Variants in ROBO1 observed in about 807,000 individuals in gnomAD.
ROBO1 encodes the protein roundabout homolog 1.
ROBO1 carries 149 observed loss-of-function variants against 195.9 expected under a neutral mutation model. The observed-to-expected ratio is 0.76, with a 90% CI of 0.67 to 0.87. The LOEUF (loss-of-function observed/expected upper bound fraction) is 0.87, where lower values mean the gene tolerates loss of function less well. Among genes scored for constraint, ROBO1 ranks in the 40% least tolerant of loss-of-function variants. The pLI, the probability that ROBO1 is intolerant of heterozygous loss-of-function variation, is 0.00. For synonymous variants in ROBO1, 816 were observed against 733.2 expected (o/e 1.11, Z -1.82); for missense variants, 1,933 against 2,068.3 (o/e 0.93, Z 1.27).
intron 2 of ROBO1, among the ~76,000 whole-genome samples, chr3:79,361,399 G>T (rs377419935): frequency 2.0e-5 from 3 of 151,864 alleles, no homozygotes; most frequent in African/African-American, 7.3e-5. Flanking sequence ...AAGGAGAAAA[G>T]CAAATAAATA....
intron 4 of ROBO1, among the ~76,000 whole-genome samples, chr3:78,751,352 C>T (rs1309632959): frequency 2.0e-5 from 3 of 152,088 alleles, no homozygotes; most frequent in Non-Finnish European, 4.4e-5. Flanking sequence ...TTAGCAATGG[C>T]TGATGCTAAT....
intron 3 of ROBO1, among the ~76,000 whole-genome samples, chr3:79,085,568 C>T (rs2079352430): frequency 1.3e-5 from 2 of 152,124 alleles, no homozygotes; most frequent in Admixed American, 1.3e-4. Context: ...GGAGGAGCTC[C>T]TGATAAAGTG....
chr3:78,678,060 G>C (rs979694791), intron 10 of ROBO1, among the ~76,000 whole-genome samples: 2 of 152,104 alleles, frequency 1.3e-5, no homozygotes, highest in Non-Finnish European at 2.9e-5. Flanking sequence ...TGAACAACCT[G>C]CTCCTGAATG....
intron 3 of ROBO1, among the ~76,000 whole-genome samples, chr3:78,943,488 T>C (rs1476306550): frequency 2.0e-5 from 3 of 152,190 alleles, no homozygotes; most frequent in Non-Finnish European, 4.4e-5. Flanking sequence ...AAAAATGTTT[T>C]CCATATTATT....
chr3:78,784,582 A>G lies in ROBO1; in HGVS notation c.500-37682T>C, dbSNP rs528947096. 1.3e-4 allele frequency among the ~76,000 whole-genome samples: 18 copies of G among 139,890 alleles called. No homozygotes were observed. In the East Asian group the frequency reaches 4.0e-3, roughly 31 times the overall value. The allele number at this position is 139,890 out of a possible 152,430, so 91.8% of individuals were successfully genotyped here. ...ATAATTAATCTAGGAAATTTTAACA[A>G]TGAACTTAAAAGTAAATTGAAAAAA... On this transcript the variant is annotated intron_variant, in intron 4 of 30. Transcript: ENST00000464233.
At position 78,617,963 on chromosome 3, in the gene ROBO1, C is replaced by T. The variant is rs760919194; in HGVS notation, c.3954G>A (p.Leu1318=). The T allele has an allele frequency of 7.4e-6, 12 of 1,613,820 alleles. No homozygotes were observed. Among genetic ancestry groups the T allele is most frequent in the African/African-American group, 2.7e-5 (2 of 74,916 alleles). Residue 1318 remains leucine (L), a synonymous_variant, in exon 27 of 31, where the codon CTG becomes CTA. Coordinates refer to ENST00000464233, the MANE Select transcript of ROBO1 (RefSeq NM_002941.4). ...PHTYGYISGP[L]VSDMDTDAPE... ...GCGCATCCGTATCCATATCTGAGAC[C>T]AGGGGTCCTGAAATGTAGCCATAGG...
intron 3 of ROBO1, among the ~76,000 whole-genome samples, chr3:78,955,087 T>C (rs2040975701): frequency 6.6e-6 from 1 of 151,042 alleles, no homozygotes; most frequent in African/African-American, 2.4e-5. Context: ...ATGGGGGTTA[T>C]ACAGGTAAAC....
chr3:78,669,263 TAAAG>T (rs1707916869), intron 11 of ROBO1, among the ~76,000 whole-genome samples: 2 of 152,192 alleles, frequency 1.3e-5, no homozygotes, highest in South Asian at 2.1e-4. Context: ...TAACATTTGA[TAAAG>T]AAAGAATGTT....
At chr3:78,983,583 T>C (rs928346644) in intron 3 of ROBO1, among the ~76,000 whole-genome samples, 5 of 152,148 alleles carry the variant, frequency 3.3e-5, no homozygotes, top group African/African-American at 1.2e-4. Flanking sequence ...CTAACAAAAC[T>C]AATAACGTAA....
chr3:79,321,842 C>T (rs2033994317), intron 2 of ROBO1, among the ~76,000 whole-genome samples: 1 of 152,122 alleles, frequency 6.6e-6, no homozygotes, highest in South Asian at 2.1e-4. Flanking sequence ...AAGCACATAA[C>T]TTGGGTATAA....
chr3:78,669,439 C>T, intron 11 of ROBO1, among the ~76,000 whole-genome samples: 1 of 152,188 alleles, frequency 6.6e-6, no homozygotes, highest in East Asian at 1.9e-4. Flanking sequence ...ATGTTTATTG[C>T]TGTCAGGACT....
At chr3:78,860,089 A>C (rs1409739388) in intron 4 of ROBO1, among the ~76,000 whole-genome samples, 1 of 151,486 alleles carries the variant, frequency 6.6e-6, no homozygotes, top group East Asian at 1.9e-4. Context: ...AAAAAAAAAA[A>C]AAAGACACAA....
At chr3:79,293,788 G>A (rs545395079) in intron 2 of ROBO1, among the ~76,000 whole-genome samples, 1 of 152,198 alleles carries the variant, frequency 6.6e-6, no homozygotes, top group East Asian at 1.9e-4. Flanking sequence ...GCCGGGCGCG[G>A]TGGCTCATGC....
chr3:79,084,746 C>T (rs1025537142), intron 3 of ROBO1, among the ~76,000 whole-genome samples: 1 of 152,102 alleles, frequency 6.6e-6, no homozygotes, highest in Non-Finnish European at 1.5e-5. Flanking sequence ...CGCTCTTACC[C>T]ACTACATCAG....
At chr3:79,718,415 T>C (rs1346981289) in intron 1 of ROBO1, among the ~76,000 whole-genome samples, 1 of 152,000 alleles carries the variant, frequency 6.6e-6, no homozygotes. Context: ...GCTTTGACTT[T>C]GGGGTTGTTA....
At chr3:79,419,750 G>A (rs1332998705) in intron 2 of ROBO1, among the ~76,000 whole-genome samples, 1 of 151,976 alleles carries the variant, frequency 6.6e-6, no homozygotes, top group Non-Finnish European at 1.5e-5. Context: ...TAAAACATAA[G>A]CCATAAGGAA....
intron 4 of ROBO1, among the ~76,000 whole-genome samples, chr3:78,748,655 C>T (rs1239553185): frequency 6.6e-6 from 1 of 151,866 alleles, no homozygotes; most frequent in Non-Finnish European, 1.5e-5. Flanking sequence ...TTTTTCAAAA[C>T]CTCAAACCAG....
At chr3:78,685,155 C>T (rs1287037288) in intron 10 of ROBO1, among the ~76,000 whole-genome samples, 8 of 151,946 alleles carry the variant, frequency 5.3e-5, no homozygotes, top group African/African-American at 1.2e-4. Flanking sequence ...CATATAAATA[C>T]AGAGAATAAA....
At chr3:79,338,862 GTTTA>G (rs1484694807) in intron 2 of ROBO1, among the ~76,000 whole-genome samples, 1 of 152,030 alleles carries the variant, frequency 6.6e-6, no homozygotes, top group African/African-American at 2.4e-5. Context: ...ATATGCTACT[GTTTA>G]TTTGTTATTT....
Sources: gnomAD v4.1 joint callset for allele counts (sites outside exome capture counted in the v4.1 genomes callset) on GRCh38, gnomAD v4.1.1 for gene constraint, MANE v1.5 for transcripts, NCBI Gene and HGNC (gene_info 2026-07-23, HGNC 2026-07-21) for gene names.